The following PXDNL variants were observed in gnomAD, a reference collection of about 807,000 sequenced individuals.
The protein encoded by PXDNL is probable oxidoreductase PXDNL.
In PXDNL, 145 loss-of-function variants were observed where a neutral mutation model predicts 150.8. That is an observed-to-expected ratio of 0.96 (90% CI 0.84 to 1.10). PXDNL has a LOEUF of 1.10. Ranked by LOEUF, PXDNL falls within the 50% of genes least tolerant of loss-of-function variation. PXDNL has a pLI of 0.00. For synonymous variants in PXDNL, 757 were observed against 725.7 expected (o/e 1.04, Z -0.69); for missense variants, 2,087 against 1,873.9 (o/e 1.11, Z -2.10).
rs1268156083 is a variant in PXDNL, at chr8:51,809,262, C to G, written c.83G>C (p.Cys28Ser). ...GCGGACGGTGCTCTTAAAGCAAAGGCACCGGCTGGGGCAGGGCAACCCTGG... is the reference window on the plus strand; with the variant it reads ...GCGGACGGTGCTCTTAAAGCAAAGGGACCGGCTGGGGCAGGGCAACCCTGG... The part of the protein sequence containing the change: ...CLPGLPCPSR[C>S]LCFKSTVRCM... Residue 28 changes from cysteine to serine, a missense_variant, in exon 1 of 23, where the codon TGC becomes TCC. Coordinates refer to ENST00000356297, the MANE Select transcript of PXDNL (RefSeq NM_144651.5). 21 of 1,606,936 alleles carry G rather than the reference C, an allele frequency of 1.3e-5. No homozygotes were observed. Among genetic ancestry groups the G allele is most frequent in the Non-Finnish European group, 1.8e-5 (21 of 1,176,714 alleles).
intron 2 of PXDNL, among the ~76,000 whole-genome samples, chr8:51,598,381 G>A (rs1299793230): frequency 6.6e-6 from 1 of 152,056 alleles, no homozygotes; most frequent in African/African-American, 2.4e-5. Flanking sequence ...ATCATAGATG[G>A]CTTATTATTT....
chr8:51,483,596 A>G (rs1256061191), intron 6 of PXDNL, 47 bp downstream of exon 6: 1 of 1,173,024 alleles, frequency 8.5e-7, no homozygotes, highest in Non-Finnish European at 1.2e-6. Flanking sequence ...TGGATTTTGG[A>G]GGAAATTATA....
chr8:51,504,919 T>C (rs1427226621), intron 4 of PXDNL, among the ~76,000 whole-genome samples: 2 of 152,228 alleles, frequency 1.3e-5, no homozygotes, highest in Non-Finnish European at 2.9e-5. Context: ...CAACAATCTA[T>C]AATGGCATTA....
At chr8:51,675,994 A>T (rs916730878) in intron 1 of PXDNL, among the ~76,000 whole-genome samples, 2 of 152,184 alleles carry the variant, frequency 1.3e-5, no homozygotes, top group Non-Finnish European at 1.5e-5. Flanking sequence ...ATTGCATAAC[A>T]TTCAATAATC....
chr8:51,702,198 G>T (rs1362247965), intron 1 of PXDNL, among the ~76,000 whole-genome samples: 1 of 151,980 alleles, frequency 6.6e-6, no homozygotes, highest in African/African-American at 2.4e-5. Context: ...TTATCCATTT[G>T]TCTTCTATAG....
At chr8:51,448,937 T>C in intron 11 of PXDNL, 65 bp downstream of exon 11, 1 of 808,566 alleles carries the variant, frequency 1.2e-6, no homozygotes. Flanking sequence ...TAAACTATTT[T>C]TTTTTACTAT....
intron 12 of PXDNL, among the ~76,000 whole-genome samples, chr8:51,438,075 A>G (rs925509283): frequency 6.6e-6 from 1 of 152,210 alleles, no homozygotes; most frequent in Non-Finnish European, 1.5e-5. Flanking sequence ...AAAAAATAAA[A>G]TAAAATAAAC....
intron 4 of PXDNL, among the ~76,000 whole-genome samples, chr8:51,506,928 A>AT (rs951700111): frequency 1.3e-5 from 2 of 152,096 alleles, no homozygotes; most frequent in South Asian, 4.1e-4. Context: ...AAACTCTCCG[A>AT]TTTTTTTCAT....
chr8:51,365,581 T>A (rs28786771), intron 19 of PXDNL, among the ~76,000 whole-genome samples: 1,911 of 152,314 alleles, frequency 0.013, 35 homozygotes, highest in African/African-American at 0.044. Context: ...TGCGTTGTAT[T>A]CTCTCAAAAA....
intron 4 of PXDNL, among the ~76,000 whole-genome samples, chr8:51,543,579 G>T (rs184900694): frequency 1.4e-4 from 22 of 152,030 alleles, no homozygotes; most frequent in East Asian, 1.2e-3. Context: ...GGGCATGGTG[G>T]TGTGCACCTG....
intron 12 of PXDNL, among the ~76,000 whole-genome samples, chr8:51,441,791 A>G (rs897700509): frequency 1.3e-5 from 2 of 152,166 alleles, no homozygotes; most frequent in African/African-American, 2.4e-5. Context: ...AGGAAACCCT[A>G]TTAGCTGGGG....
intron 19 of PXDNL, among the ~76,000 whole-genome samples, chr8:51,364,444 C>T (rs1019076104): frequency 4.6e-5 from 7 of 152,154 alleles, no homozygotes; most frequent in Non-Finnish European, 1.0e-4. Context: ...GCTTTTTCAC[C>T]AGATCAAGAA....
chr8:51,677,036 T>G (rs1166841537), intron 1 of PXDNL, among the ~76,000 whole-genome samples: 3 of 152,220 alleles, frequency 2.0e-5, no homozygotes, highest in Non-Finnish European at 4.4e-5. Context: ...ACAGTTCCAG[T>G]TGCAGTAGCT....
chr8:51,456,704 G>C (rs1809945377), intron 9 of PXDNL, among the ~76,000 whole-genome samples: 1 of 152,182 alleles, frequency 6.6e-6, no homozygotes, highest in Non-Finnish European at 1.5e-5. Flanking sequence ...GCTATATTAT[G>C]ATGAACTTCT....
chr8:51,464,047 T>G (rs901641955), intron 8 of PXDNL, among the ~76,000 whole-genome samples: 1 of 149,524 alleles, frequency 6.7e-6, no homozygotes, highest in African/African-American at 2.5e-5. Flanking sequence ...TAAAATAAAC[T>G]AACCCAAAAG....
At chr8:51,683,968 C>T (rs897840572) in intron 1 of PXDNL, among the ~76,000 whole-genome samples, 1 of 152,244 alleles carries the variant, frequency 6.6e-6, no homozygotes. Flanking sequence ...CATGTCAAAA[C>T]CTCCAGATTG....
rs771324895 is a variant in PXDNL at position 51,472,316 on chromosome 8, G to T, written c.695-12C>A. On this transcript the variant is annotated splice_polypyrimidine_tract_variant and intron_variant, in intron 7 of 22. Transcript: ENST00000356297. ...AATTCGGGGGCTCTCTGCAACAAAA[G>T]AATTATTGATGTATTTTTCAGAGAT... 35 of 1,591,064 alleles carry T rather than the reference G, an allele frequency of 2.2e-5. No homozygotes were observed. The South Asian group carries it at 3.4e-4, about 16-fold the overall frequency.
At chr8:51,713,612 A>T (rs1483334206) in intron 1 of PXDNL, among the ~76,000 whole-genome samples, 1 of 152,198 alleles carries the variant, frequency 6.6e-6, no homozygotes, top group African/African-American at 2.4e-5. Context: ...ACCACAAAAA[A>T]TTCATTAAGT....
chr8:51,777,923 A>T (rs2129246809), intron 1 of PXDNL, among the ~76,000 whole-genome samples: 2 of 152,194 alleles, frequency 1.3e-5, no homozygotes, highest in Admixed American at 1.3e-4. Context: ...ACAAAACAAC[A>T]ACAACAAAAA....
Sources: allele counts gnomAD v4.1 joint callset (sites outside exome capture counted in the v4.1 genomes callset), GRCh38; gene constraint gnomAD v4.1.1; transcripts MANE v1.5; gene names NCBI Gene and HGNC (gene_info 2026-07-23, HGNC 2026-07-21).